The following ARRDC5 variants were observed in gnomAD, a reference collection of about 807,000 sequenced individuals.
ARRDC5 encodes the protein arrestin domain-containing protein 5.
In ARRDC5, 12 loss-of-function variants were observed where a neutral mutation model predicts 13.3. The observed-to-expected ratio is 0.90, with a 90% confidence interval of 0.58 to 1.46. ARRDC5 has a LOEUF of 1.46. ARRDC5 is among the 40% of genes most tolerant of loss of function. The pLI, the probability that ARRDC5 is intolerant of heterozygous loss-of-function variation, is 0.00. For synonymous variants in ARRDC5, 181 were observed against 173.4 expected (o/e 1.04, Z -0.34); for missense variants, 406 against 418.7 (o/e 0.97, Z 0.26).
At chr19:4,911,463 C>T in the ARRDC5 span, among the ~76,000 whole-genome samples, 2 of 152,072 alleles carry the variant, frequency 1.3e-5, no homozygotes, top group South Asian at 2.1e-4. Context: ...CAGCCTGTAC[C>T]GGTTAAGCAT....
In ARRDC5 at chr19:4,891,391, G is replaced by A; in HGVS notation, c.642C>T (p.Ala214=). Residue 214 remains alanine (A), a synonymous_variant, in exon 3 of 3, where the codon GCC becomes GCT. Transcript: ENST00000650722. ...CIKTVVFALY[A]HIQYEGFTPS... ...GCGTGAAGCCCTCGTACTGTATGTG[G>A]GCATACAGGGCGAATACGACCGTCT... The A allele has an allele frequency of 1.2e-6, 2 of 1,613,256 alleles. No individual in the cohort carries two copies. Among genetic ancestry groups the A allele is most frequent in the East Asian group, 4.5e-5 (2 of 44,884 alleles).
In ARRDC5 at chr19:4,890,938, A is replaced by G; in HGVS notation, c.*108T>C. 1.1e-6 allele frequency: 1 copy of G among 877,580 alleles called. No homozygotes were observed. The highest frequency in any genetic ancestry group is 1.7e-6 in the Non-Finnish European group (1 of 575,510). 54.4% of individuals were successfully genotyped at this position (877,580 alleles called of 1,614,324 possible). A position where few individuals can be genotyped will look rare whatever the true frequency, so the allele number is the denominator to read the frequency against. On this transcript the variant is annotated 3_prime_UTR_variant, in exon 3 of 3. Transcript: ENST00000650722. ...CCGCTAGAGCTTGGGGAGGTTGCAG[A>G]CAACCTGTTGCCCACTCCTCGACTC... is the stretch of plus-strand genomic sequence containing the variant.
At position 4,902,801 on chromosome 19, in the gene ARRDC5, A is replaced by G. The variant is rs200656741; in HGVS notation, c.25T>C (p.Leu9=). 1.1e-5 allele frequency: 18 copies of G among 1,613,828 alleles called. No homozygotes were observed. Among genetic ancestry groups the G allele is most frequent in the Middle Eastern group, 1.6e-4 (1 of 6,084 alleles). The change falls in exon 1 of 3, where the codon TTA becomes CTA. Residue 9 remains leucine (L), a synonymous_variant. Transcript: ENST00000650722. MSVVKSIE[L]VLPEDRIYLA... ...TAGATTCTATCCTCGGGCAGCACTA[A>G]TTCGATCGACTTCACCACAGACATG...
At chr19:4,909,825 A>T in the ARRDC5 span, 1 of 413,368 alleles carries the variant, frequency 2.4e-6, no homozygotes, top group Non-Finnish European at 4.3e-6. Context: ...TCCCCGGCAC[A>T]CATCCGGCTG....
chr19:4,899,137 G>A lies in ARRDC5; in HGVS notation c.254-2261C>T, dbSNP rs539288122. Among the ~76,000 whole-genome samples the A allele has an allele frequency of 2.6e-5, 4 of 151,180 alleles. No individual in the cohort carries two copies. In the South Asian group the frequency reaches 6.3e-4, roughly 24 times the overall value. On this transcript the variant is annotated intron_variant, in intron 1 of 2. Coordinates refer to ENST00000650722, the MANE Select transcript of ARRDC5 (RefSeq NM_001080523.3). ...ATCCTGGCAAACACGGTGAAACCCC[G>A]TCTGTAATAAACAAAATACAAAAAA...
rs2146261211 is a variant in ARRDC5, at chr19:4,902,724, G to C, written c.102C>G (p.Thr34=). 6.2e-7 allele frequency: 1 copy of C among 1,613,950 alleles called. No homozygotes were observed. Residue 34 remains threonine, a synonymous_variant, in exon 1 of 3, where the codon ACC becomes ACG. Coordinates refer to ENST00000650722, the MANE Select transcript of ARRDC5 (RefSeq NM_001080523.3). ...CCACCTTCACTATGGGGTCCACCAG[G>C]GTGCTGTTCAGGGTTAAGATCACCT... ...KGQVILTLNS[T]LVDPIVKVEL...
At chr19:4,899,003 G>A (rs1476617126) in intron 1 of ARRDC5, among the ~76,000 whole-genome samples, 2 of 151,198 alleles carry the variant, frequency 1.3e-5, no homozygotes, top group African/African-American at 4.9e-5. Context: ...CTCAATAAAT[G>A]TTTATTAAAT....
At chr19:4,892,830 T>A (rs968679642) in intron 2 of ARRDC5, among the ~76,000 whole-genome samples, 1 of 151,888 alleles carries the variant, frequency 6.6e-6, no homozygotes, top group Non-Finnish European at 1.5e-5. Flanking sequence ...TTCTTTCATT[T>A]TATAAAAATA....
chr19:4,911,127 C>G, the ARRDC5 span: 2 of 1,214,596 alleles, frequency 1.6e-6, no homozygotes, highest in Non-Finnish European at 2.2e-6. Flanking sequence ...CCTCCCACCT[C>G]CCCCCCCAAC....
chr19:4,896,933 CTTCT>C (rs746045112), intron 1 of ARRDC5, 57 bp from the exon 2 acceptor site: 33 of 1,197,534 alleles, frequency 2.8e-5, no homozygotes, highest in Non-Finnish European at 3.6e-5. Flanking sequence ...TTTCCTTCTT[CTTCT>C]TTTTTTTTTT....
At chr19:4,914,072 C>A in the ARRDC5 span, among the ~76,000 whole-genome samples, 2 of 152,026 alleles carry the variant, frequency 1.3e-5, no homozygotes, top group Non-Finnish European at 2.9e-5. Context: ...CCCCCTCCCC[C>A]ACCTTGGCCT....
the ARRDC5 span, among the ~76,000 whole-genome samples, chr19:4,911,954 A>G: frequency 1.4e-4 from 21 of 152,234 alleles, no homozygotes; most frequent in African/African-American, 5.1e-4. Context: ...TGAACCGGGT[A>G]CTGCTGCCAT....
intron 2 of ARRDC5, among the ~76,000 whole-genome samples, chr19:4,892,244 C>T (rs2031539467): frequency 6.6e-6 from 1 of 151,898 alleles, no homozygotes; most frequent in Non-Finnish European, 1.5e-5. Flanking sequence ...CACGCCACCA[C>T]ACCCAGCTAA....
At chr19:4,909,515 C>T in the ARRDC5 span, 11 of 657,500 alleles carry the variant, frequency 1.7e-5, 1 homozygote, top group East Asian at 1.3e-4. Context: ...CAGCTGGCAG[C>T]GCGGCGGGCA....
chr19:4,891,708 A>T lies in ARRDC5; in HGVS notation c.460-135T>A, dbSNP rs1011717787. The T allele has an allele frequency of 2.0e-5, 15 of 754,674 alleles. No homozygotes were observed. The African/African-American group carries it at 2.7e-4, about 13-fold the overall frequency. 46.7% of individuals were successfully genotyped at this position (754,674 alleles called of 1,614,324 possible). A position where few individuals can be genotyped will look rare whatever the true frequency, so the allele number is the denominator to read the frequency against. On this transcript the variant is annotated intron_variant, in intron 2 of 2. Coordinates refer to ENST00000650722, the MANE Select transcript of ARRDC5 (RefSeq NM_001080523.3). Reference sequence around the variant, plus strand: ...ACGATAGCTCACGCCTATAATCCCAACACCTTGGGAGGCCGAGGCGGGAGG... The same window carrying T: ...ACGATAGCTCACGCCTATAATCCCATCACCTTGGGAGGCCGAGGCGGGAGG...
chr19:4,891,507 A>AACAG lies in ARRDC5; in HGVS notation c.522_525dup (p.Gln177PhefsTer98). The AACAG allele has an allele frequency of 6.2e-7, 1 of 1,613,848 alleles. No individual in the cohort carries two copies. Among genetic ancestry groups the AACAG allele is most frequent in the Non-Finnish European group, 8.5e-7 (1 of 1,179,866 alleles). On this transcript the variant is annotated frameshift_variant, in exon 3 of 3. Coordinates refer to ENST00000650722, the MANE Select transcript of ARRDC5 (RefSeq NM_001080523.3). LOFTEE classifies it low-confidence loss of function (END_TRUNC). ...GTGTTCCTTTCCATCTGGATTTGCA[A>AACAG]ACAGACAGTGCCCTGGCGGCAGCAG...
intron 1 of ARRDC5, among the ~76,000 whole-genome samples, chr19:4,899,886 C>T (rs548136397): frequency 6.8e-6 from 1 of 146,338 alleles, no homozygotes; most frequent in East Asian, 2.3e-4. Context: ...TTGCAGTGAG[C>T]CAAGATTGCA....
chr19:4,911,168 G>A, the ARRDC5 span: 6 of 854,996 alleles, frequency 7.0e-6, no homozygotes, highest in Admixed American at 6.9e-5. Flanking sequence ...CATCTCTCCC[G>A]GAAGGAGAAG....
chr19:4,898,009 C>T (rs945487663), intron 1 of ARRDC5, among the ~76,000 whole-genome samples: 7 of 152,142 alleles, frequency 4.6e-5, no homozygotes, highest in Non-Finnish European at 1.0e-4. Context: ...ATAGCTTGAA[C>T]GTGCGAGACG....
Sources: gnomAD v4.1 joint callset for allele counts (sites outside exome capture counted in the v4.1 genomes callset) on GRCh38, gnomAD v4.1.1 for gene constraint, MANE v1.5 for transcripts, NCBI Gene and HGNC (gene_info 2026-07-23, HGNC 2026-07-21) for gene names.